Variants in DEPDC5 observed in about 807,000 individuals in gnomAD.
DEPDC5 encodes DEP domain containing 5, GATOR1 subcomplex subunit.
In DEPDC5, 73 loss-of-function variants were observed where a neutral mutation model predicts 217.3. The ratio of observed to expected loss-of-function variants is 0.34; its 90% CI spans 0.28 to 0.41. The LOEUF is 0.41. Among genes scored for constraint, DEPDC5 ranks in the 10% least tolerant of loss-of-function variants. The probability of loss-of-function intolerance (pLI) is 1.00; values close to 1 mark genes in which losing one functional copy is unlikely to be tolerated. For missense variants in DEPDC5, 1,675 were observed against 2,070.1 expected (o/e 0.81, Z 3.70); for synonymous variants, 733 against 756.7 (o/e 0.97, Z 0.51).
intron 24 of DEPDC5, among the ~76,000 whole-genome samples, chr22:31,828,249 G>A (rs1038486791): frequency 1.3e-5 from 2 of 152,056 alleles, no homozygotes; most frequent in African/African-American, 2.4e-5. Flanking sequence ...TCGGGAGTTC[G>A]AGACCAGCCT....
At chr22:31,872,934 T>C (rs2092888884) in intron 34 of DEPDC5, among the ~76,000 whole-genome samples, 1 of 151,996 alleles carries the variant, frequency 6.6e-6, no homozygotes, top group Non-Finnish European at 1.5e-5. Flanking sequence ...TTTGTATTTT[T>C]AGTAGAGACG....
At chr22:31,868,180 G>A (rs546112721) in intron 33 of DEPDC5, among the ~76,000 whole-genome samples, 5 of 152,182 alleles carry the variant, frequency 3.3e-5, no homozygotes, top group Admixed American at 2.6e-4. Context: ...CTATAGAACA[G>A]CAAAATGGTT....
intron 21 of DEPDC5, chr22:31,816,396 G>A (rs1310771712): frequency 2.7e-5 from 4 of 150,386 alleles, no homozygotes; most frequent in Non-Finnish European, 5.9e-5. Context: ...CATACTATCA[G>A]TTTTTGTTTC....
chr22:31,880,124 C>T lies in DEPDC5; in HGVS notation c.4033+372C>T, dbSNP rs143853726. ...GAGCCCCTCCCTACAACCATAGCAT[C>T]CTATGATCTCAGAAGAGGAAGGAAC... On this transcript the variant is annotated intron_variant, in intron 38 of 42. Coordinates refer to ENST00000651528, the MANE Select transcript of DEPDC5 (RefSeq NM_001242896.3). 88 of 257,346 alleles carry T rather than the reference C, an allele frequency of 3.4e-4. 1 individual carries two copies. In the East Asian group the frequency reaches 6.6e-3, roughly 19 times the overall value. The allele number at this position is 257,346 out of a possible 1,614,324, so 15.9% of individuals were successfully genotyped here.
intron 27 of DEPDC5, among the ~76,000 whole-genome samples, chr22:31,842,851 A>G (rs1019428688): frequency 6.6e-6 from 1 of 152,190 alleles, no homozygotes; most frequent in Admixed American, 6.5e-5. Context: ...TGAGTGTGCC[A>G]TCTAGGTGCT....
At chr22:31,844,861 C>A in intron 29 of DEPDC5, 157 bp from the exon 30 acceptor site, 1 of 792,962 alleles carries the variant, frequency 1.3e-6, no homozygotes, top group Non-Finnish European at 2.1e-6. Context: ...ATTCTCAGAA[C>A]TTGTATTTTC....
chr22:31,763,290 A>C (rs2148070968), intron 4 of DEPDC5, among the ~76,000 whole-genome samples: 1 of 151,760 alleles, frequency 6.6e-6, no homozygotes, highest in African/African-American at 2.4e-5. Context: ...TGCCCGGCCT[A>C]ATTTTTATAT....
chr22:31,876,638 A>G (rs1452612249), intron 37 of DEPDC5, among the ~76,000 whole-genome samples: 2 of 152,248 alleles, frequency 1.3e-5, no homozygotes, highest in Middle Eastern at 3.4e-3. Context: ...TCTGTGATTT[A>G]TAGCACTTTT....
chr22:31,902,987 C>T (rs911671539), intron 41 of DEPDC5, among the ~76,000 whole-genome samples: 32 of 151,926 alleles, frequency 2.1e-4, no homozygotes, highest in African/African-American at 7.5e-4. Flanking sequence ...CCTCCTGATC[C>T]CCCTCAGTCC....
At chr22:31,875,444 A>G (rs1004796577) in intron 36 of DEPDC5, 3 of 152,320 alleles carry the variant, frequency 2.0e-5, no homozygotes, top group African/African-American at 7.2e-5. Context: ...TATATTCTCT[A>G]TCATACGTGT....
intron 29 of DEPDC5, 54 bp from the exon 30 acceptor site, chr22:31,844,964 C>T: frequency 1.3e-6 from 2 of 1,580,242 alleles, no homozygotes; most frequent in Non-Finnish European, 1.7e-6. Context: ...ACTGAGAGTG[C>T]TTTCATTATC....
intron 20 of DEPDC5, among the ~76,000 whole-genome samples, chr22:31,812,545 C>T (rs2088523430): frequency 6.6e-6 from 1 of 150,396 alleles, no homozygotes; most frequent in Non-Finnish European, 1.5e-5. Context: ...CTGCCTCAGC[C>T]TCCCGAGTAG....
At chr22:31,820,759 T>C (rs1317370446) in intron 22 of DEPDC5, among the ~76,000 whole-genome samples, 1 of 152,226 alleles carries the variant, frequency 6.6e-6, no homozygotes, top group African/African-American at 2.4e-5. Context: ...ATTGGAACCA[T>C]ATTCTGCAAA....
chr22:31,851,526 G>T (rs985744277), intron 31 of DEPDC5, among the ~76,000 whole-genome samples: 1 of 152,178 alleles, frequency 6.6e-6, no homozygotes, highest in Non-Finnish European at 1.5e-5. Context: ...CCAGTATTCT[G>T]CTGGGAGCCA....
rs1440980805 is a variant in DEPDC5 at position 31,815,544 on chromosome 22, G to A, written c.1666+332G>A. 1.8e-5 allele frequency: 11 copies of A among 615,122 alleles called. No homozygotes were observed. The East Asian group carries it at 2.6e-4, about 14-fold the overall frequency. 38.1% of individuals were successfully genotyped at this position (615,122 alleles called of 1,614,324 possible). On this transcript the variant is annotated intron_variant, in intron 21 of 42. Transcript: ENST00000651528. ...GGACTATAGCATGCCACCACACCCA[G>A]CTGATTATCATATTTTTTTTTGTAG...
intron 31 of DEPDC5, among the ~76,000 whole-genome samples, chr22:31,847,850 A>T (rs2091831658): frequency 6.6e-6 from 1 of 152,132 alleles, no homozygotes; most frequent in Non-Finnish European, 1.5e-5. Flanking sequence ...TCCAGCATTA[A>T]CTCAAGTCCA....
At chr22:31,892,658 C>T (rs571779995) in intron 38 of DEPDC5, among the ~76,000 whole-genome samples, 5 of 152,094 alleles carry the variant, frequency 3.3e-5, no homozygotes, top group South Asian at 2.1e-4. Context: ...CACTCCAGCC[C>T]GGGTGACATA....
chr22:31,829,023 C>A (rs1025590909), intron 24 of DEPDC5, among the ~76,000 whole-genome samples: 1 of 152,156 alleles, frequency 6.6e-6, no homozygotes, highest in African/African-American at 2.4e-5. Flanking sequence ...GATCAGAATT[C>A]CCCCTGCCCC....
At chr22:31,869,996 A>G (rs1235827682) in intron 33 of DEPDC5, among the ~76,000 whole-genome samples, 1 of 152,244 alleles carries the variant, frequency 6.6e-6, no homozygotes, top group African/African-American at 2.4e-5. Context: ...TGCAGAGGGC[A>G]GGCCGTGGGA....
Sources: gnomAD v4.1 joint callset for allele counts (sites outside exome capture counted in the v4.1 genomes callset) on GRCh38, gnomAD v4.1.1 for gene constraint, MANE v1.5 for transcripts, NCBI Gene and HGNC (gene_info 2026-07-23, HGNC 2026-07-21) for gene names.